The following MYO10 variants were observed in gnomAD, a reference collection of about 807,000 sequenced individuals.
MYO10 encodes the protein unconventional myosin-X.
Under a neutral mutation model 257.3 loss-of-function variants are expected in MYO10, and 133 were observed. The observed-to-expected ratio is 0.52, with a 90% CI of 0.45 to 0.60. MYO10 has a LOEUF of 0.60. MYO10 is among the 20% of genes least tolerant of loss of function. The pLI is 0.00. For synonymous variants in MYO10, 1,104 were observed against 1,028.6 expected, an observed-to-expected ratio of 1.07 and a Z score of -1.40; for missense variants, 2,399 against 2,635.7, an observed-to-expected ratio of 0.91 and a Z score of 1.97.
intron 2 of MYO10, among the ~76,000 whole-genome samples, chr5:16,839,613 T>TA (rs1384027311): frequency 6.6e-6 from 1 of 151,908 alleles, no homozygotes; most frequent in East Asian, 1.9e-4. Context: ...CACGGTGGCG[T>TA]ATGCCTGCAG....
intron 19 of MYO10, among the ~76,000 whole-genome samples, chr5:16,711,718 G>A (rs1017080953): frequency 2.0e-5 from 3 of 151,962 alleles, no homozygotes; most frequent in African/African-American, 7.3e-5. Context: ...GGAGGCAGAG[G>A]TTGCAGTGAT....
rs372116830 is a variant in MYO10, at chr5:16,698,663, G to A, written c.3556+787C>T. On this transcript the variant is annotated intron_variant, in intron 26 of 40. Transcript: ENST00000513610. ...TTTTGAGACAGCGTCTGGCTCTGTC[G>A]CCCAGGCTGGGGTGCAGTGGCGCGA... Among the ~76,000 whole-genome samples the A allele has an allele frequency of 9.3e-3, 1,241 of 133,198 alleles. 14 individuals are homozygous for A. Among genetic ancestry groups the A allele is most frequent in the South Asian group, 0.013 (54 of 4,318 alleles). 87.4% of individuals were successfully genotyped at this position (133,198 alleles called of 152,430 possible).
intron 1 of MYO10, among the ~76,000 whole-genome samples, chr5:16,892,062 C>CCTA (rs768540128): frequency 7.2e-5 from 11 of 152,100 alleles, no homozygotes; most frequent in Non-Finnish European, 1.5e-4. Context: ...ATCCTCAGCA[C>CCTA]CTAGAACAGG....
chr5:16,893,254 T>G (rs1253351217), intron 1 of MYO10, among the ~76,000 whole-genome samples: 1 of 136,560 alleles, frequency 7.3e-6, no homozygotes, highest in East Asian at 2.2e-4. Flanking sequence ...AGAAAAGCGA[T>G]AAGGAGGCTG....
rs571108099 is a variant in MYO10 at position 16,796,995 on chromosome 5, A to C, written c.280-2162T>G. On this transcript the variant is annotated intron_variant, in intron 3 of 40. Transcript: ENST00000513610. ...GGGTTGGCGGAGGGTAACAAAAAAC[A>C]AGAAAACTAGACAGAAAGTCCAAAC... is the stretch of plus-strand genomic sequence containing the variant. Among the ~76,000 whole-genome samples, 67 of 151,974 alleles carry C rather than the reference A, an allele frequency of 4.4e-4. 1 individual carries two copies. In the South Asian group the frequency reaches 0.013, roughly 29 times the overall value.
rs770387697 is a variant in MYO10, at chr5:16,699,435, C to T, written c.3556+15G>A. ...TCTCCCCCTAACCCAGACTCCATGG[C>T]GGCTGCAGTCATACCTTTCATGTAC... On this transcript the variant is annotated intron_variant, in intron 26 of 40. Coordinates refer to ENST00000513610, the MANE Select transcript of MYO10 (RefSeq NM_012334.3). 9.9e-6 allele frequency: 16 copies of T among 1,612,226 alleles called. No homozygotes were observed. Among genetic ancestry groups the T allele is most frequent in the East Asian group, 2.2e-5 (1 of 44,874 alleles).
chr5:16,867,785 A>G (rs966055215), intron 2 of MYO10, among the ~76,000 whole-genome samples: 1 of 152,210 alleles, frequency 6.6e-6, no homozygotes, highest in African/African-American at 2.4e-5. Context: ...AGTCCCATGC[A>G]ATCCCATGAT....
intron 4 of MYO10, among the ~76,000 whole-genome samples, chr5:16,787,705 A>G (rs1179017257): frequency 1.3e-5 from 2 of 152,132 alleles, no homozygotes; most frequent in Non-Finnish European, 2.9e-5. Context: ...GGCTGTATTA[A>G]AAATTGTGAG....
intron 4 of MYO10, among the ~76,000 whole-genome samples, chr5:16,786,584 TGTTCTTTGGG>T (rs962045389): frequency 7.2e-5 from 11 of 152,138 alleles, no homozygotes; most frequent in African/African-American, 1.9e-4. Flanking sequence ...TCAATAGAAA[TGTTCTTTGGG>T]GTTCTTTGGG....
intron 1 of MYO10, among the ~76,000 whole-genome samples, chr5:16,928,494 C>T (rs569079958): frequency 1.1e-4 from 17 of 151,906 alleles, no homozygotes; most frequent in Non-Finnish European, 2.5e-4. Context: ...GCCCTAAGTG[C>T]TTTAGTATGT....
chr5:16,898,881 C>T (rs139803510), intron 1 of MYO10, among the ~76,000 whole-genome samples: 1 of 150,336 alleles, frequency 6.7e-6, no homozygotes, highest in Non-Finnish European at 1.5e-5. Context: ...CATGGTGGCT[C>T]ACGTCTGTAA....
At chr5:16,810,950 T>C (rs1212195205) in intron 3 of MYO10, among the ~76,000 whole-genome samples, 4 of 150,782 alleles carry the variant, frequency 2.7e-5, no homozygotes, top group Admixed American at 6.6e-5. Context: ...ATGCCTGTAA[T>C]CCCAGCTACT....
chr5:16,741,866 CG>C, intron 19 of MYO10: 1 of 985,366 alleles, frequency 1.0e-6, no homozygotes, highest in Non-Finnish European at 1.2e-6. Flanking sequence ...TTTAGCAGTC[CG>C]GGCAAGGGCA....
intron 19 of MYO10, among the ~76,000 whole-genome samples, chr5:16,746,881 G>C (rs1447264394): frequency 6.6e-6 from 1 of 152,204 alleles, no homozygotes; most frequent in Non-Finnish European, 1.5e-5. Flanking sequence ...TTTGGACAGA[G>C]TGAATAGTCT....
intron 10 of MYO10, among the ~76,000 whole-genome samples, chr5:16,767,239 C>T (rs1579967782): frequency 1.4e-5 from 2 of 143,846 alleles, no homozygotes; most frequent in Admixed American, 7.2e-5. Context: ...GGCATGATCT[C>T]GGCTCACTGC....
rs145454504 is a variant in MYO10 at position 16,914,200 on chromosome 5, G to T, written c.21+21588C>A. On this transcript the variant is annotated intron_variant, in intron 1 of 40. Transcript: ENST00000513610. ...CCTACGGGAAGCTGGGTAGAGACCA[G>T]GGTGTTTTATAGGAAGTGCGGGCGG... Among the ~76,000 whole-genome samples, 32 of 152,322 alleles carry T rather than the reference G, an allele frequency of 2.1e-4. No individual in the cohort carries two copies. The East Asian group carries it at 6.0e-3, about 29-fold the overall frequency.
intron 2 of MYO10, among the ~76,000 whole-genome samples, chr5:16,831,061 G>A (rs371569126): frequency 2.2e-4 from 34 of 152,244 alleles, no homozygotes; most frequent in African/African-American, 7.9e-4. Context: ...GGGAAGCTGA[G>A]TAAAGGAGAC....
chr5:16,829,113 T>C (rs535151241), intron 2 of MYO10, among the ~76,000 whole-genome samples: 44 of 152,114 alleles, frequency 2.9e-4, no homozygotes, highest in African/African-American at 9.9e-4. Context: ...CAGGGCACAA[T>C]AGAGATGATC....
intron 1 of MYO10, among the ~76,000 whole-genome samples, chr5:16,891,685 T>C (rs1353477336): frequency 6.6e-6 from 1 of 152,086 alleles, no homozygotes; most frequent in Non-Finnish European, 1.5e-5. Context: ...TGCAGACAAA[T>C]AGGTAGACTC....
Sources: allele counts gnomAD v4.1 joint callset (sites outside exome capture counted in the v4.1 genomes callset), GRCh38; gene constraint gnomAD v4.1.1; transcripts MANE v1.5; gene names NCBI Gene and HGNC (gene_info 2026-07-23, HGNC 2026-07-21).